Variants in PSMD1 observed in about 807,000 individuals in gnomAD.
The protein encoded by PSMD1 is 26S proteasome non-ATPase regulatory subunit 1.
A neutral mutation model predicts 119.0 loss-of-function variants in PSMD1; 18 were observed. That is an observed-to-expected ratio of 0.15 (90% confidence interval 0.10 to 0.22). The LOEUF (loss-of-function observed/expected upper bound fraction) is 0.22, where lower values mean the gene tolerates loss of function less well. Ranked by LOEUF, PSMD1 falls within the 10% of genes least tolerant of loss-of-function variation. The pLI, the probability that PSMD1 is intolerant of heterozygous loss-of-function variation, is 1.00. For missense variants in PSMD1, 702 were observed against 1,158.5 expected (o/e 0.61, Z 5.72); for synonymous variants, 374 against 396.6 (o/e 0.94, Z 0.68).
At chr2:231,153,505 C>A in intron 18 of PSMD1, 59 bp from the exon 19 acceptor site, 1 of 1,197,952 alleles carries the variant, frequency 8.3e-7, no homozygotes, top group Non-Finnish European at 1.2e-6. Context: ...ATTCCCTGTT[C>A]TAAAATGGTA....
chr2:231,125,774 C>G (rs1295636215), intron 16 of PSMD1, among the ~76,000 whole-genome samples: 2 of 152,180 alleles, frequency 1.3e-5, no homozygotes, highest in Non-Finnish European at 2.9e-5. Context: ...ATAAGACTAG[C>G]TTAGTATTAG....
chr2:231,059,355 A>G (rs1693699594), intron 1 of PSMD1, among the ~76,000 whole-genome samples: 1 of 152,130 alleles, frequency 6.6e-6, no homozygotes, highest in Non-Finnish European at 1.5e-5. Context: ...GGCTAGTCTC[A>G]TGGTTCTGGT....
In PSMD1 at chr2:231,153,592, A is replaced by G. The variant is rs757187868; in HGVS notation, c.2144A>G (p.Lys715Arg). ...KVNQFRQLYS[K>R]VINDKHDDVM... Reference sequence around the variant, plus strand: ...AATCAGTTCAGACAGCTGTATTCCAAAGTCATCAATGATAAGCATGATGAT... The same window carrying G: ...AATCAGTTCAGACAGCTGTATTCCAGAGTCATCAATGATAAGCATGATGAT... The change falls in exon 19 of 25, where the codon AAA becomes AGA. Residue 715 changes from lysine (K) to arginine (R), a missense_variant. By Grantham distance (26) the Lys-to-Arg change is conservative. Transcript: ENST00000308696. 20 of 1,613,742 alleles carry G rather than the reference A, an allele frequency of 1.2e-5. No individual in the cohort carries two copies. The highest frequency in any genetic ancestry group is 9.9e-5 in the South Asian group (9 of 91,062).
At position 231,075,516 on chromosome 2, in the gene PSMD1, C is replaced by T. The variant is rs189385491; in HGVS notation, c.887C>T (p.Ser296Leu). Residue 296 changes from serine to leucine, a missense_variant, in exon 8 of 25, where the codon TCG (serine) becomes TTG (leucine). Physicochemically the swap from Ser to Leu is moderately radical, Grantham distance 145. Transcript: ENST00000308696. ...ATTGGTTCTTTTCATTTCAGTGACT[C>T]GATGGAAACAGAAGAAAAGACAAGC... The part of the protein sequence containing the change: ...TVPGSEKDSD[S>L]METEEKTSSA... 2.3e-5 allele frequency: 37 copies of T among 1,612,038 alleles called. No homozygotes were observed. The highest frequency in any genetic ancestry group is 6.7e-5 in the East Asian group (3 of 44,854).
intron 19 of PSMD1, 46 bp downstream of exon 19, chr2:231,153,712 T>G (rs757274127): frequency 1.6e-6 from 2 of 1,263,382 alleles, no homozygotes; most frequent in South Asian, 2.6e-5. Context: ...AAACTAAATC[T>G]AATAAAATAA....
intron 19 of PSMD1, among the ~76,000 whole-genome samples, chr2:231,155,284 G>C (rs1696459945): frequency 1.3e-5 from 2 of 151,990 alleles, no homozygotes; most frequent in African/African-American, 4.8e-5. Flanking sequence ...AACACTGTTA[G>C]CCTTATTTGT....
At position 231,153,681 on chromosome 2, in the gene PSMD1, G is replaced by C; in HGVS notation, c.2218+15G>C. On this transcript the variant is annotated intron_variant, in intron 19 of 24. Coordinates refer to ENST00000308696, the MANE Select transcript of PSMD1 (RefSeq NM_002807.4). Reference sequence around the variant, plus strand: ...ACTGGATGCAGGTAAATGTTTTTAAGTCTTCAAGATTTATTTATTTAAACT... The same window carrying C: ...ACTGGATGCAGGTAAATGTTTTTAACTCTTCAAGATTTATTTATTTAAACT... 6.6e-7 allele frequency: 1 copy of C among 1,505,218 alleles called. No homozygotes were observed. Among genetic ancestry groups the C allele is most frequent in the African/African-American group, 1.4e-5 (1 of 71,958 alleles). 93.2% of individuals were successfully genotyped at this position (1,505,218 alleles called of 1,614,324 possible). A position where few individuals can be genotyped will look rare whatever the true frequency, so the allele number is the denominator to read the frequency against.
Position 231,170,097 on chromosome 2 carries a change from G to A in PSMD1, c.2716-469G>A, listed in dbSNP as rs1238192550. On this transcript the variant is annotated intron_variant, in intron 23 of 24. Coordinates refer to ENST00000308696, the MANE Select transcript of PSMD1 (RefSeq NM_002807.4). This position sits in a 1 kb window ranked among gnomAD's most constrained non-coding sequence, Gnocchi z 4.1. ...ATTAGACTGCTTCTCAAACTTCAGTGTGCATCAGATTGACTGGGATCTTGT... is the reference window on the plus strand; with the variant it reads ...ATTAGACTGCTTCTCAAACTTCAGTATGCATCAGATTGACTGGGATCTTGT... 6.6e-6 allele frequency among the ~76,000 whole-genome samples: 1 copy of A among 152,178 alleles called. No individual in the cohort carries two copies. The highest frequency in any genetic ancestry group is 1.5e-5 in the Non-Finnish European group (1 of 68,028).
chr2:231,065,870 C>T (rs951902057), intron 4 of PSMD1, among the ~76,000 whole-genome samples: 1 of 152,134 alleles, frequency 6.6e-6, no homozygotes, highest in Admixed American at 6.5e-5. Context: ...TTCCACCTAC[C>T]TCACATTGAG....
intron 17 of PSMD1, 39 bp downstream of exon 17, chr2:231,138,889 G>T (rs745377219): frequency 1.4e-6 from 2 of 1,465,114 alleles, no homozygotes; most frequent in East Asian, 4.5e-5. Context: ...CTTTCTTGGC[G>T]CCAGACTGTT....
intron 17 of PSMD1, among the ~76,000 whole-genome samples, chr2:231,139,238 A>G (rs1409379302): frequency 1.3e-5 from 2 of 151,396 alleles, no homozygotes; most frequent in African/African-American, 4.9e-5. Flanking sequence ...TCCTGACCTC[A>G]GGTGATCCAC....
Position 231,077,059 on chromosome 2 carries a change from T to C in PSMD1, c.968T>C (p.Leu323Ser), listed in dbSNP as rs1370450830. The stretch of plus-strand genomic sequence containing the variant: ...AGTCCAGAGCCTAAGGACCAGACTT[T>C]GAAAATGATTAAAATTTTAAGTGGT... ...EASPEPKDQT[L>S]KMIKILSGEM... The change falls in exon 9 of 25, where the codon TTG becomes TCG. Residue 323 changes from leucine to serine, a missense_variant. By Grantham distance (145) the Leu-to-Ser change is moderately radical (BLOSUM62 -2). Transcript: ENST00000308696. 5 of 1,605,476 alleles carry C rather than the reference T, an allele frequency of 3.1e-6. No homozygotes were observed. Among genetic ancestry groups the C allele is most frequent in the Non-Finnish European group, 4.2e-6 (5 of 1,177,074 alleles).
At chr2:231,131,011 C>T (rs1205433210) in intron 16 of PSMD1, among the ~76,000 whole-genome samples, 1 of 152,132 alleles carries the variant, frequency 6.6e-6, no homozygotes, top group East Asian at 1.9e-4. Context: ...TTTCTTTTAA[C>T]CTGTAGGTTC....
Position 231,086,244 on chromosome 2 carries a change from G to C in PSMD1, c.1819-873G>C, listed in dbSNP as rs563025612. Among the ~76,000 whole-genome samples the C allele has an allele frequency of 4.6e-5, 7 of 152,212 alleles. No individual in the cohort carries two copies. In the East Asian group the frequency reaches 1.4e-3, roughly 29 times the overall value. On this transcript the variant is annotated intron_variant, in intron 15 of 24. Coordinates refer to ENST00000308696, the MANE Select transcript of PSMD1 (RefSeq NM_002807.4). ...CTTTTTGTGTAGACAGGGTCTCGCT[G>C]TGTTGCCTAGGCAGATCTCGAACTC...
chr2:231,138,880 TTTC>T (rs1559246770), intron 17 of PSMD1, 30 bp downstream of exon 17: 5 of 1,516,876 alleles, frequency 3.3e-6, no homozygotes, highest in Admixed American at 1.7e-5. Flanking sequence ...GGGTCAGTTC[TTTC>T]TTGGCGCCAG....
chr2:231,058,520 CT>C (rs35559920), intron 1 of PSMD1, among the ~76,000 whole-genome samples: 27,389 of 142,360 alleles, frequency 0.19, 2,577 homozygotes, highest in African/African-American at 0.23. Flanking sequence ...ATATACAAAC[CT>C]TTTTTTTTTT....
chr2:231,093,897 A>G lies in PSMD1; in HGVS notation c.1883+6716A>G, dbSNP rs577206339. On this transcript the variant is annotated intron_variant, in intron 16 of 24. Coordinates refer to ENST00000308696, the MANE Select transcript of PSMD1 (RefSeq NM_002807.4). ...AAAATTGTTGAAATTGTGAGCTGGC[A>G]TAAGCCAGACCATTATCAGTTTTAA... Among the ~76,000 whole-genome samples the G allele has an allele frequency of 2.0e-4, 30 of 152,332 alleles. No homozygotes were observed. In the South Asian group the frequency reaches 6.0e-3, roughly 31 times the overall value.
At chr2:231,126,674 CATT>C (rs1228553798) in intron 16 of PSMD1, among the ~76,000 whole-genome samples, 18 of 151,910 alleles carry the variant, frequency 1.2e-4, no homozygotes, top group Non-Finnish European at 1.6e-4. Context: ...AAAATGCAGT[CATT>C]GTTGTATTTT....
intron 8 of PSMD1, 27 bp downstream of exon 8, chr2:231,075,598 G>A: frequency 2.5e-6 from 4 of 1,589,982 alleles, no homozygotes; most frequent in Non-Finnish European, 3.4e-6. Flanking sequence ...TTTTTCCTTT[G>A]AGACAGGGTC....
Sources: gnomAD v4.1 joint callset for allele counts (sites outside exome capture counted in the v4.1 genomes callset) on GRCh38, gnomAD v4.1.1 for gene constraint, Gnocchi (gnomAD v3.1) non-coding constraint, MANE v1.5 for transcripts, NCBI Gene and HGNC (gene_info 2026-07-23, HGNC 2026-07-21) for gene names.